RANBP2: variants seen among roughly 807,000 people sequenced by gnomAD.
The protein encoded by RANBP2 is E3 SUMO-protein ligase RanBP2.
Under a neutral mutation model 303.6 loss-of-function variants are expected in RANBP2, and 57 were observed. The ratio of observed to expected loss-of-function variants is 0.19; its 90% CI spans 0.15 to 0.23. The LOEUF is 0.23. RANBP2 is among the 10% of genes least tolerant of loss of function. The pLI is 1.00. For missense variants in RANBP2, 3,138 were observed against 3,780.8 expected, an observed-to-expected ratio of 0.83 and a Z score of 4.46; for synonymous variants, 1,167 against 1,301.5, an observed-to-expected ratio of 0.90 and a Z score of 2.23.
At chr2:109,392,987 T>C in the RANBP2 span, among the ~76,000 whole-genome samples, 1 of 152,170 alleles carries the variant, frequency 6.6e-6, no homozygotes, top group East Asian at 1.9e-4. Context: ...CGCCCCTGCT[T>C]AGTCTCCTGA....
chr2:109,138,541 A>G, the RANBP2 span, among the ~76,000 whole-genome samples: 5 of 152,202 alleles, frequency 3.3e-5, no homozygotes, highest in African/African-American at 1.2e-4. Flanking sequence ...GACTTCATGT[A>G]TTGTATTGAA....
At chr2:108,907,709 G>T in the RANBP2 span, 1 of 872,902 alleles carries the variant, frequency 1.1e-6, no homozygotes, top group South Asian at 1.5e-5. Flanking sequence ...CTATCTTGCT[G>T]TGAACTTGTC....
chr2:108,754,762 A>C, intron 15 of RANBP2, 143 bp from the exon 16 acceptor site: 1 of 1,234,166 alleles, frequency 8.1e-7, no homozygotes, highest in Non-Finnish European at 1.1e-6. Flanking sequence ...TAATTAAAAA[A>C]CACTTTCACG....
the RANBP2 span, among the ~76,000 whole-genome samples, chr2:109,659,079 A>C: frequency 6.7e-6 from 1 of 150,182 alleles, no homozygotes; most frequent in African/African-American, 2.5e-5. Context: ...CCAAAAAATA[A>C]ATCAAATAAA....
At chr2:109,571,983 T>G in the RANBP2 span, among the ~76,000 whole-genome samples, 7 of 152,252 alleles carry the variant, frequency 4.6e-5, no homozygotes, top group African/African-American at 1.7e-4. Context: ...CAATAAACTG[T>G]GCCTGTTAAT....
chr2:108,756,961 A>G (rs1676365522), intron 17 of RANBP2, among the ~76,000 whole-genome samples: 1 of 152,224 alleles, frequency 6.6e-6, no homozygotes, highest in Admixed American at 6.5e-5. Context: ...GGCACTGTAG[A>G]TGGATGAGTG....
At chr2:109,501,693 A>C in the RANBP2 span, 3 of 741,326 alleles carry the variant, frequency 4.0e-6, no homozygotes, top group South Asian at 4.3e-5. Context: ...CCCTGCACCC[A>C]GCTCACAGAG....
the RANBP2 span, among the ~76,000 whole-genome samples, chr2:109,065,605 G>C: frequency 6.6e-6 from 1 of 152,228 alleles, no homozygotes; most frequent in African/African-American, 2.4e-5. Context: ...AGCCTGGAAA[G>C]GAGGCGGTCC....
At chr2:108,871,095 A>G in the RANBP2 span, among the ~76,000 whole-genome samples, 3,191 of 152,256 alleles carry the variant, frequency 0.021, 113 homozygotes, top group South Asian at 0.082. Flanking sequence ...ACACGTTCCT[A>G]TGGTTGTGTT....
At chr2:109,720,132 A>T in the RANBP2 span, among the ~76,000 whole-genome samples, 1 of 152,152 alleles carries the variant, frequency 6.6e-6, no homozygotes, top group Non-Finnish European at 1.5e-5. Flanking sequence ...GACTTCAGAA[A>T]CTTTTGCCAA....
the RANBP2 span, among the ~76,000 whole-genome samples, chr2:109,013,224 C>T: frequency 9.8e-5 from 15 of 152,314 alleles, no homozygotes; most frequent in Non-Finnish European, 1.8e-4. Flanking sequence ...TAAGGACATC[C>T]GCTTCCTTCG....
At chr2:109,544,047 C>T in the RANBP2 span, 1 of 1,061,638 alleles carries the variant, frequency 9.4e-7, no homozygotes, top group African/African-American at 1.6e-5. Context: ...GGGGTCAAGT[C>T]AGTGCTCAAA....
At chr2:109,747,963 G>GA in the RANBP2 span, among the ~76,000 whole-genome samples, 2 of 105,930 alleles carry the variant, frequency 1.9e-5, no homozygotes, top group African/African-American at 7.6e-5. Flanking sequence ...GAGATTGTCG[G>GA]AAAAAAATAT....
the RANBP2 span, among the ~76,000 whole-genome samples, chr2:109,125,273 TGTCA>T: frequency 6.6e-6 from 1 of 152,176 alleles, no homozygotes; most frequent in African/African-American, 2.4e-5. Flanking sequence ...TAGCTGAGCC[TGTCA>T]CATTCCCACA....
At position 108,784,980 on chromosome 2, in the gene RANBP2, G is replaced by A. The variant is rs545564510; in HGVS notation, c.*1079G>A. ...ATGTTAGGCAAATTGCTAAAGAAAA[G>A]AGGATGTTCTTATTGGCCTACTCAA... On this transcript the variant is annotated 3_prime_UTR_variant, in exon 29 of 29. Coordinates refer to ENST00000283195, the MANE Select transcript of RANBP2 (RefSeq NM_006267.5). 2 of 152,336 alleles carry A rather than the reference G, an allele frequency of 1.3e-5. No homozygotes were observed. Among genetic ancestry groups the A allele is most frequent in the South Asian group, 4.1e-4 (2 of 4,826 alleles). The allele number at this position is 152,336 out of a possible 1,614,324, so 9.4% of individuals were successfully genotyped here. A position where few individuals can be genotyped will look rare whatever the true frequency, so the allele number is the denominator to read the frequency against.
chr2:108,844,020 C>T, the RANBP2 span, among the ~76,000 whole-genome samples: 5 of 149,718 alleles, frequency 3.3e-5, no homozygotes, highest in African/African-American at 4.9e-5. Context: ...TACTACCTTA[C>T]CTGGTTAATT....
the RANBP2 span, among the ~76,000 whole-genome samples, chr2:109,020,004 G>A: frequency 6.6e-6 from 1 of 152,158 alleles, no homozygotes; most frequent in East Asian, 1.9e-4. Flanking sequence ...AAAAAGTGGG[G>A]GTGAAGTTTC....
the RANBP2 span, among the ~76,000 whole-genome samples, chr2:109,612,285 TTGTC>T: frequency 1.4e-3 from 212 of 152,194 alleles, 1 homozygote; most frequent in African/African-American, 4.8e-3. Flanking sequence ...GAATCACTGA[TTGTC>T]TGGGGTTAAG....
the RANBP2 span, among the ~76,000 whole-genome samples, chr2:109,152,344 G>C: frequency 1.1e-3 from 173 of 152,212 alleles, no homozygotes; most frequent in African/African-American, 4.0e-3. Flanking sequence ...CCCTTTCCCT[G>C]GTGCATTTGG....
Sources: gnomAD v4.1 joint callset for allele counts (sites outside exome capture counted in the v4.1 genomes callset) on GRCh38, gnomAD v4.1.1 for gene constraint, MANE v1.5 for transcripts, NCBI Gene and HGNC (gene_info 2026-07-23, HGNC 2026-07-21) for gene names.